TLE4: variants seen among roughly 807,000 people sequenced by gnomAD.
TLE4 encodes TLE family member 4, transcriptional corepressor.
Under a neutral mutation model 92.8 loss-of-function variants are expected in TLE4, and 8 were observed. The ratio of observed to expected loss-of-function variants is 0.09; its 90% CI spans 0.05 to 0.16. The LOEUF is 0.16. Ranked by LOEUF, TLE4 falls within the 10% of genes least tolerant of loss-of-function variation. The pLI, the probability that TLE4 is intolerant of heterozygous loss-of-function variation, is 1.00. For missense variants in TLE4, 675 were observed against 997.6 expected (o/e 0.68, Z 4.36); for synonymous variants, 371 against 374.1 (o/e 0.99, Z 0.10).
At position 79,726,496 on chromosome 9, in the gene TLE4, T is replaced by G. The variant is rs562596566; in HGVS notation, c.*1352T>G. The G allele has an allele frequency of 6.6e-6, 1 of 152,440 alleles. No homozygotes were observed. The highest frequency in any genetic ancestry group is 2.1e-4 in the South Asian group (1 of 4,802). The allele number at this position is 152,440 out of a possible 1,614,324, so 9.4% of individuals were successfully genotyped here. ...TTTCATACTAGAAATGGATGGATGC[T>G]GCAAGTTGAAATGGACTGTCCATTG... On this transcript the variant is annotated 3_prime_UTR_variant, in exon 20 of 20. Transcript: ENST00000376552.
At chr9:79,675,853 T>C (rs2063169212) in intron 8 of TLE4, among the ~76,000 whole-genome samples, 1 of 152,166 alleles carries the variant, frequency 6.6e-6, no homozygotes, top group Non-Finnish European at 1.5e-5. Flanking sequence ...GGATTTTGGT[T>C]TTTTTCAGAT....
chr9:79,639,928 A>T (rs1022868879), intron 6 of TLE4, among the ~76,000 whole-genome samples: 1 of 152,182 alleles, frequency 6.6e-6, no homozygotes, highest in African/African-American at 2.4e-5. Context: ...TGACTTATGT[A>T]TATCAAAATA....
At chr9:79,703,661 G>A (rs1361785817) in intron 8 of TLE4, among the ~76,000 whole-genome samples, 1 of 152,208 alleles carries the variant, frequency 6.6e-6, no homozygotes, top group Non-Finnish European at 1.5e-5. Context: ...TACAGGCTGA[G>A]CCTAAGTGTG....
chr9:79,586,873 T>C (rs768538933), intron 4 of TLE4, among the ~76,000 whole-genome samples: 1 of 152,224 alleles, frequency 6.6e-6, no homozygotes, highest in African/African-American at 2.4e-5. Flanking sequence ...TGAACTATTT[T>C]GATACCGGCA....
intron 6 of TLE4, 89 bp downstream of exon 6, chr9:79,627,537 G>T (rs1296847616): frequency 7.6e-7 from 1 of 1,320,182 alleles, no homozygotes; most frequent in South Asian, 1.3e-5. Flanking sequence ...CGCCAAAGGG[G>T]CAAAAAGCAA....
chr9:79,723,334 C>A (rs533036466), intron 19 of TLE4, among the ~76,000 whole-genome samples: 2 of 150,248 alleles, frequency 1.3e-5, no homozygotes, highest in East Asian at 1.9e-4. Flanking sequence ...GAATTTTATA[C>A]ATGTATGTCT....
At chr9:79,612,773 C>T (rs899801584) in intron 5 of TLE4, 55 bp downstream of exon 5, 3 of 1,460,438 alleles carry the variant, frequency 2.1e-6, no homozygotes, top group Non-Finnish European at 1.9e-6. Flanking sequence ...AGTGGTTTTG[C>T]AGAAAAGGGA....
rs77814491 is a variant in TLE4 at position 79,715,514 on chromosome 9, G to A, written c.1341-3208G>A. 2.7e-3 allele frequency among the ~76,000 whole-genome samples: 408 copies of A among 152,132 alleles called. 7 individuals are homozygous for A. The East Asian group carries it at 0.034, about 13-fold the overall frequency. ...ATTTCATTCACTGACCTCAGCACCAGCGGTGGGGTTAATAACAGCTGTGGT... is the reference window on the plus strand; with the variant it reads ...ATTTCATTCACTGACCTCAGCACCAACGGTGGGGTTAATAACAGCTGTGGT... On this transcript the variant is annotated intron_variant, in intron 14 of 19. Coordinates refer to ENST00000376552, the MANE Select transcript of TLE4 (RefSeq NM_007005.6).
intron 6 of TLE4, among the ~76,000 whole-genome samples, chr9:79,640,264 C>T (rs994657058): frequency 6.6e-6 from 1 of 152,118 alleles, no homozygotes; most frequent in Non-Finnish European, 1.5e-5. Context: ...GAAAAATGTT[C>T]TTAATACATG....
intron 4 of TLE4, among the ~76,000 whole-genome samples, chr9:79,607,770 G>A (rs1016864059): frequency 6.6e-6 from 1 of 151,980 alleles, no homozygotes; most frequent in East Asian, 1.9e-4. Flanking sequence ...TGCTGTTTTG[G>A]TACCAGTACC....
Position 79,573,811 on chromosome 9 carries a change from C to T in TLE4, c.143+25C>T, listed in dbSNP as rs762295997. ...GGTAACGATATTGACTTTAGCTGATCCTTCTGTTTGCTTAGCTCTTGTCTC... is the reference window on the plus strand; with the variant it reads ...GGTAACGATATTGACTTTAGCTGATTCTTCTGTTTGCTTAGCTCTTGTCTC... On this transcript the variant is annotated intron_variant, in intron 2 of 19. Transcript: ENST00000376552. 7 of 1,508,156 alleles carry T rather than the reference C, an allele frequency of 4.6e-6. No homozygotes were observed. The African/African-American group carries it at 6.9e-5, about 15-fold the overall frequency. 93.4% of individuals were successfully genotyped at this position (1,508,156 alleles called of 1,614,324 possible).
rs2072393048 is a variant in TLE4 at position 79,708,714 on chromosome 9, C to T, written c.1191C>T (p.His397=). The T allele has an allele frequency of 6.2e-7, 1 of 1,613,102 alleles. No individual in the cohort carries two copies. The change falls in exon 13 of 20, where the codon CAC becomes CAT. Residue 397 remains histidine (H), a synonymous_variant. Coordinates refer to ENST00000376552, the MANE Select transcript of TLE4 (RefSeq NM_007005.6). ...TSPGAAYAGL[H]NISPQMSAAA... ...CCGGAGCGGCCTACGCTGGGCTCCA[C>T]AACATCTCCCCTCAGATGAGCGCAG...
chr9:79,656,055 G>T (rs2059733067), intron 8 of TLE4, among the ~76,000 whole-genome samples: 1 of 152,176 alleles, frequency 6.6e-6, no homozygotes, highest in Non-Finnish European at 1.5e-5. Flanking sequence ...ATTTATTATG[G>T]GATGGCATCT....
chr9:79,702,689 A>G (rs902479526), intron 8 of TLE4, among the ~76,000 whole-genome samples: 10 of 152,178 alleles, frequency 6.6e-5, no homozygotes, highest in Admixed American at 6.5e-5. Flanking sequence ...GAGTATTCAT[A>G]TAAAACCTCA....
intron 8 of TLE4, among the ~76,000 whole-genome samples, chr9:79,682,240 G>A (rs1304077107): frequency 1.3e-5 from 2 of 151,578 alleles, no homozygotes; most frequent in African/African-American, 2.4e-5. Context: ...GGTTTTTTTT[G>A]CATCTCATTC....
intron 14 of TLE4, among the ~76,000 whole-genome samples, chr9:79,713,154 G>A (rs927412808): frequency 6.6e-6 from 1 of 152,214 alleles, no homozygotes; most frequent in Non-Finnish European, 1.5e-5. Flanking sequence ...TTGGAAATGT[G>A]GAGAAGGTAC....
chr9:79,664,897 T>C (rs1341071972), intron 8 of TLE4, among the ~76,000 whole-genome samples: 2 of 152,188 alleles, frequency 1.3e-5, no homozygotes, highest in Admixed American at 1.3e-4. Context: ...CCTTTTTTTT[T>C]CTCTCTCCAT....
At chr9:79,572,961 G>A in intron 1 of TLE4, 126 bp downstream of exon 1, 2 of 985,814 alleles carry the variant, frequency 2.0e-6, no homozygotes, top group Non-Finnish European at 2.9e-6. Context: ...GGCGCCCCGC[G>A]CCGGGAGCAG....
chr9:79,709,659 G>T lies in TLE4; in HGVS notation c.1300G>T (p.Ala434Ser), dbSNP rs766543700. Reference sequence around the variant, plus strand: ...TCCACACCATCACATGCGTGTGCCAGCAATACCTCCAAACCTGACAGGCAT... The same window carrying T: ...TCCACACCATCACATGCGTGTGCCATCAATACCTCCAAACCTGACAGGCAT... Reference protein sequence around the residue: ...FDPHHHMRVPAIPPNLTGIPG... With the variant: ...FDPHHHMRVPSIPPNLTGIPG... Residue 434 changes from alanine to serine, a missense_variant, in exon 14 of 20, where the codon GCA (alanine) becomes TCA (serine). Physicochemically the swap from Ala to Ser is moderately conservative, Grantham distance 99. Around this residue, in one of 5 missense-constraint regions of TLE4, gnomAD observed 119 missense variants for 175.9 expected, o/e 0.68. Coordinates refer to ENST00000376552, the MANE Select transcript of TLE4 (RefSeq NM_007005.6). The T allele has an allele frequency of 1.9e-6, 3 of 1,614,116 alleles. No homozygotes were observed. Among genetic ancestry groups the T allele is most frequent in the South Asian group, 1.1e-5 (1 of 91,064 alleles).
Sources: allele counts gnomAD v4.1 joint callset (sites outside exome capture counted in the v4.1 genomes callset), GRCh38; gene constraint gnomAD v4.1.1; regional missense constraint gnomAD v4.1.1; transcripts MANE v1.5; gene names NCBI Gene and HGNC (gene_info 2026-07-23, HGNC 2026-07-21).